The following ANKFN1 variants were observed in gnomAD, a reference collection of about 807,000 sequenced individuals.
The protein encoded by ANKFN1 is ankyrin repeat and fibronectin type III domain containing 1.
ANKFN1 carries 74 observed loss-of-function variants against 108.7 expected under a neutral mutation model. The observed-to-expected ratio is 0.68, with a 90% CI of 0.56 to 0.83. The LOEUF (loss-of-function observed/expected upper bound fraction) is 0.83, where lower values mean the gene tolerates loss of function less well. ANKFN1 is among the 40% of genes least tolerant of loss of function. The pLI is 0.00. For missense variants in ANKFN1, 1,505 were observed against 1,382.3 expected (o/e 1.09, Z -1.41); for synonymous variants, 547 against 516.2 (o/e 1.06, Z -0.81).
At chr17:56,059,688 G>A (rs746338226) in intron 4 of ANKFN1, among the ~76,000 whole-genome samples, 14 of 152,174 alleles carry the variant, frequency 9.2e-5, no homozygotes, top group Non-Finnish European at 1.8e-4. Flanking sequence ...TATTGAATAG[G>A]AGATCCTTTC....
At chr17:56,173,108 C>G (rs964097418) in intron 1 of ANKFN1, among the ~76,000 whole-genome samples, 6 of 152,200 alleles carry the variant, frequency 3.9e-5, no homozygotes, top group African/African-American at 1.4e-4. Context: ...ATTTTATCAA[C>G]TAGCTCCAAT....
At chr17:56,197,335 A>T (rs1231873144) in intron 1 of ANKFN1, among the ~76,000 whole-genome samples, 2 of 152,244 alleles carry the variant, frequency 1.3e-5, no homozygotes, top group Non-Finnish European at 2.9e-5. Context: ...AAACATAGAA[A>T]GTAGGAAACA....
chr17:56,116,188 T>G (rs1477710291), intron 4 of ANKFN1, among the ~76,000 whole-genome samples: 1 of 152,172 alleles, frequency 6.6e-6, no homozygotes, highest in East Asian at 1.9e-4. Flanking sequence ...TTGCATTCAT[T>G]GTTTTTACAT....
intron 8 of ANKFN1, among the ~76,000 whole-genome samples, chr17:56,380,406 C>T (rs1401565315): frequency 7.9e-5 from 12 of 152,240 alleles, no homozygotes; most frequent in Non-Finnish European, 1.8e-4. Flanking sequence ...CCGTGTTCAT[C>T]TCACTAGGGA....
chr17:56,396,052 A>AAAAC (rs1567970265), intron 8 of ANKFN1, among the ~76,000 whole-genome samples: 12 of 152,112 alleles, frequency 7.9e-5, no homozygotes, highest in South Asian at 4.1e-4. Context: ...CAAAACAAAA[A>AAAAC]AAACAAAAAA....
upstream of ANKFN1, among the ~76,000 whole-genome samples, chr17:56,150,938 C>T (rs765426903): frequency 4.1e-4 from 63 of 152,054 alleles, no homozygotes; most frequent in Non-Finnish European, 7.1e-4. Context: ...TTTGGGACAC[C>T]GGGGAAGTGA....
At chr17:56,278,507 C>T (rs2043991446) in intron 3 of ANKFN1, among the ~76,000 whole-genome samples, 1 of 152,224 alleles carries the variant, frequency 6.6e-6, no homozygotes, top group African/African-American at 2.4e-5. Flanking sequence ...TTGCTGGTCT[C>T]CTTTCTTCAT....
At chr17:56,085,557 T>A (rs1905301442) in intron 4 of ANKFN1, among the ~76,000 whole-genome samples, 1 of 151,274 alleles carries the variant, frequency 6.6e-6, no homozygotes, top group African/African-American at 2.4e-5. Flanking sequence ...AAATTTTTAT[T>A]GTTTTAAGCC....
intron 4 of ANKFN1, among the ~76,000 whole-genome samples, chr17:56,073,767 A>G (rs1358240916): frequency 6.6e-6 from 1 of 152,200 alleles, no homozygotes; most frequent in Non-Finnish European, 1.5e-5. Context: ...ATCATACAAT[A>G]TGTATTTGTG....
chr17:56,456,764 G>C (rs1277276989), intron 11 of ANKFN1, 97 bp from the exon 12 acceptor site: 17 of 941,656 alleles, frequency 1.8e-5, no homozygotes, highest in Non-Finnish European at 2.6e-5. Flanking sequence ...GACACTAAAG[G>C]GATGGGGGAG....
At chr17:56,082,247 TACAA>T (rs1212960253) in intron 4 of ANKFN1, among the ~76,000 whole-genome samples, 1 of 151,872 alleles carries the variant, frequency 6.6e-6, no homozygotes, top group Non-Finnish European at 1.5e-5. Flanking sequence ...TGCTTCCTGA[TACAA>T]CCAAGTTTTT....
intron 4 of ANKFN1, among the ~76,000 whole-genome samples, chr17:56,114,086 G>A (rs1906128795): frequency 1.3e-5 from 2 of 152,066 alleles, no homozygotes; most frequent in South Asian, 4.1e-4. Context: ...ACCAAAACAG[G>A]GATCTGTGCC....
At chr17:56,336,551 G>T (rs145658149) in intron 4 of ANKFN1, among the ~76,000 whole-genome samples, 2,077 of 152,192 alleles carry the variant, frequency 0.014, 49 homozygotes, top group African/African-American at 0.047. Context: ...ATTTCTGTGG[G>T]ATCGGTGGTG....
chr17:56,387,433 A>C (rs951466237), intron 8 of ANKFN1, among the ~76,000 whole-genome samples: 3 of 152,182 alleles, frequency 2.0e-5, no homozygotes, highest in African/African-American at 7.2e-5. Context: ...AATCACTTTA[A>C]ATTTCCAAGT....
At chr17:56,321,775 A>G (rs959507123) in intron 3 of ANKFN1, among the ~76,000 whole-genome samples, 2 of 152,214 alleles carry the variant, frequency 1.3e-5, no homozygotes, top group African/African-American at 2.4e-5. Context: ...AACTGGTCCA[A>G]TGCTCTCATT....
chr17:56,173,020 C>T (rs1910822228), intron 1 of ANKFN1, among the ~76,000 whole-genome samples: 1 of 152,220 alleles, frequency 6.6e-6, no homozygotes, highest in African/African-American at 2.4e-5. Context: ...GCAAGAATGC[C>T]AATTACACTT....
Position 56,449,108 on chromosome 17 carries a change from A to C in ANKFN1, c.1129A>C (p.Arg377=), listed in dbSNP as rs2049395814. 1 of 1,613,600 alleles carries C rather than the reference A, an allele frequency of 6.2e-7. No individual in the cohort carries two copies. Among genetic ancestry groups the C allele is most frequent in the Non-Finnish European group, 8.5e-7 (1 of 1,179,614 alleles). The part of the protein sequence containing the change: ...NWKDYDDREP[R]HKGQSEVLEG... ...GAAAGACTATGACGACAGAGAGCCCAGACACAAGGGACAGAGTGAAGTTTT... is the reference window on the plus strand; with the variant it reads ...GAAAGACTATGACGACAGAGAGCCCCGACACAAGGGACAGAGTGAAGTTTT... Residue 377 remains arginine, a synonymous_variant, in exon 11 of 21, where the codon AGA becomes CGA. Coordinates refer to ENST00000682825, the MANE Select transcript of ANKFN1 (RefSeq NM_001370326.1).
At chr17:56,193,776 C>A (rs1913238901) in intron 1 of ANKFN1, among the ~76,000 whole-genome samples, 1 of 152,046 alleles carries the variant, frequency 6.6e-6, no homozygotes, top group African/African-American at 2.4e-5. Flanking sequence ...TATTGATAAG[C>A]CAGACTTCAT....
At chr17:56,274,540 A>G (rs2144202270) in intron 3 of ANKFN1, among the ~76,000 whole-genome samples, 1 of 152,314 alleles carries the variant, frequency 6.6e-6, no homozygotes, top group Middle Eastern at 3.4e-3. Context: ...ATTAGATCAG[A>G]AACTGAGGCT....
Sources: allele counts gnomAD v4.1 joint callset (sites outside exome capture counted in the v4.1 genomes callset), GRCh38; gene constraint gnomAD v4.1.1; transcripts MANE v1.5; gene names NCBI Gene and HGNC (gene_info 2026-07-23, HGNC 2026-07-21).